The following PITPNM2 variants were observed in gnomAD, a reference collection of about 807,000 sequenced individuals.
PITPNM2 encodes the protein phosphatidylinositol transfer protein membrane associated 2.
PITPNM2 carries 35 observed loss-of-function variants against 132.2 expected under a neutral mutation model. The ratio of observed to expected loss-of-function variants is 0.26; its 90% CI spans 0.20 to 0.35. The LOEUF is 0.35. Ranked by LOEUF, PITPNM2 falls within the 10% of genes least tolerant of loss-of-function variation. The pLI is 1.00. For missense variants in PITPNM2, 1,332 were observed against 1,912.0 expected (o/e 0.70, Z 5.66); for synonymous variants, 738 against 799.2 (o/e 0.92, Z 1.29).
chr12:122,991,833 C>G (rs369347251), intron 16 of PITPNM2: 13 of 1,303,836 alleles, frequency 1.0e-5, no homozygotes, highest in African/African-American at 3.0e-5. Flanking sequence ...AAGCCGTCCC[C>G]GTGGGGGAGA....
chr12:123,044,495 C>A (rs1175391874), intron 2 of PITPNM2, among the ~76,000 whole-genome samples: 1 of 152,216 alleles, frequency 6.6e-6, no homozygotes, highest in Admixed American at 6.5e-5. Context: ...CCAGGGAAAT[C>A]AGAGCTTTCC....
chr12:123,106,997 C>T lies in PITPNM2; in HGVS notation c.-96+3388G>A, dbSNP rs2042731431. On this transcript the variant is annotated intron_variant, in intron 2 of 25. Transcript: ENST00000320201. This position sits in a 1 kb window ranked among gnomAD's most constrained non-coding sequence, Gnocchi z 4.4. ...CTGCTGCTACGGATGGAGATAAGTC[C>T]CTTCTTCACCTGGGATGGGACTTCA... Among the ~76,000 whole-genome samples, 1 of 152,146 alleles carries T rather than the reference C, an allele frequency of 6.6e-6. No individual in the cohort carries two copies.
At chr12:123,072,334 T>G (rs2041643120) in intron 2 of PITPNM2, among the ~76,000 whole-genome samples, 3 of 152,188 alleles carry the variant, frequency 2.0e-5, no homozygotes, top group Admixed American at 6.5e-5. Flanking sequence ...GGACAAGGTC[T>G]TCTAACTTGC....
chr12:122,995,230 C>T (rs1379321913), intron 14 of PITPNM2, among the ~76,000 whole-genome samples, 159 bp downstream of exon 14: 1 of 152,210 alleles, frequency 6.6e-6, no homozygotes, highest in East Asian at 1.9e-4. Context: ...TCCAGTAAGC[C>T]ACTTTCTCCT....
At chr12:123,065,111 A>G (rs542342708) in intron 2 of PITPNM2, among the ~76,000 whole-genome samples, 1 of 152,312 alleles carries the variant, frequency 6.6e-6, no homozygotes, top group South Asian at 2.1e-4. Flanking sequence ...ACGGCTGCAC[A>G]AGGCCCTGTC....
chr12:123,012,547 A>G (rs1416793627), intron 5 of PITPNM2, 66 bp downstream of exon 5: 8 of 1,581,920 alleles, frequency 5.1e-6, no homozygotes, highest in Non-Finnish European at 6.1e-6. Flanking sequence ...AAGGGGCAGG[A>G]CAAGAGGGAC....
At chr12:123,140,165 C>A (rs2043473467) in intron 1 of PITPNM2, among the ~76,000 whole-genome samples, 1 of 152,168 alleles carries the variant, frequency 6.6e-6, no homozygotes, top group African/African-American at 2.4e-5. Context: ...CCCCCTTAGG[C>A]CCCCGGGGAA....
At chr12:123,098,321 A>G (rs2042463890) in intron 2 of PITPNM2, among the ~76,000 whole-genome samples, 1 of 152,180 alleles carries the variant, frequency 6.6e-6, no homozygotes, top group African/African-American at 2.4e-5. Flanking sequence ...AGTCAGGACC[A>G]GGACGGGGAG....
intron 3 of PITPNM2, among the ~76,000 whole-genome samples, chr12:123,028,987 C>T (rs2039973745): frequency 6.6e-6 from 1 of 152,192 alleles, no homozygotes; most frequent in South Asian, 2.1e-4. Flanking sequence ...TGGCCTGAAC[C>T]TCTCCCCTCC....
At chr12:123,032,403 GGAGGTGGAGGTTGCAGT>G (rs1026188397) in intron 3 of PITPNM2, among the ~76,000 whole-genome samples, 17 of 152,346 alleles carry the variant, frequency 1.1e-4, no homozygotes, top group African/African-American at 4.1e-4. Context: ...CTTGAACCCA[GGAGGTGGAGGTTGCAGT>G]GAGCCGAGAT....
At chr12:123,015,208 A>G (rs546849997) in intron 3 of PITPNM2, among the ~76,000 whole-genome samples, 8 of 152,350 alleles carry the variant, frequency 5.3e-5, no homozygotes, top group African/African-American at 1.9e-4. Context: ...ATGGAATTAC[A>G]GGAGACCCGG....
chr12:122,992,574 A>G lies in PITPNM2; in HGVS notation c.2329T>C (p.Phe777Leu), dbSNP rs2136091011. Reference protein sequence around the residue: ...SRLEPLLERRFHALPPFSVPR... With the variant: ...SRLEPLLERRLHALPPFSVPR... ...ACGCTGAAAGGCGGCAGGGCGTGAA[A>G]GCGCCGTTCCAGCAGCGGCTCCAGG... The change falls in exon 16 of 26, where the codon TTT becomes CTT. Residue 777 changes from phenylalanine to leucine, a missense_variant. Phe to Leu is a conservative substitution (Grantham distance 22). Around this residue, in one of 6 missense-constraint regions of PITPNM2, gnomAD observed 710 missense variants for 911.5 expected, o/e 0.78. Coordinates refer to ENST00000320201, the MANE Select transcript of PITPNM2 (RefSeq NM_020845.3). The surrounding 1 kb of genome is among the most constrained non-coding windows in gnomAD (Gnocchi z 6.5). The G allele has an allele frequency of 2.5e-6, 4 of 1,611,468 alleles. No individual in the cohort carries two copies. The highest frequency in any genetic ancestry group is 3.4e-6 in the Non-Finnish European group (4 of 1,179,400).
intron 2 of PITPNM2, among the ~76,000 whole-genome samples, chr12:123,054,175 C>T (rs1472252005): frequency 6.6e-6 from 1 of 152,044 alleles, no homozygotes; most frequent in Non-Finnish European, 1.5e-5. Context: ...GAGTGTATGG[C>T]GCAGTCATAG....
intron 1 of PITPNM2, among the ~76,000 whole-genome samples, chr12:123,146,928 C>G (rs1010697165): frequency 6.6e-6 from 1 of 152,166 alleles, no homozygotes; most frequent in Non-Finnish European, 1.5e-5. Context: ...GGTGCAGGCC[C>G]TCCCAGCTCC....
At chr12:122,991,456 T>C (rs572832185) in intron 16 of PITPNM2, among the ~76,000 whole-genome samples, 1 of 152,322 alleles carries the variant, frequency 6.6e-6, no homozygotes, top group African/African-American at 2.4e-5. Context: ...AAGGCCTCAG[T>C]CTGCTTCTGG....
intron 3 of PITPNM2, among the ~76,000 whole-genome samples, chr12:123,019,508 A>T (rs1196770273): frequency 6.6e-6 from 1 of 152,238 alleles, no homozygotes; most frequent in Non-Finnish European, 1.5e-5. Flanking sequence ...CCACTCAGCC[A>T]TCTCCCTGAC....
Position 122,988,341 on chromosome 12 carries a change from G to A in PITPNM2, c.2890C>T (p.His964Tyr), listed in dbSNP as rs751008746. 3.7e-6 allele frequency: 6 copies of A among 1,613,250 alleles called. No individual in the cohort carries two copies. Among genetic ancestry groups the A allele is most frequent in the Non-Finnish European group, 5.1e-6 (6 of 1,179,908 alleles). Residue 964 changes from histidine to tyrosine, a missense_variant, in exon 20 of 26, where the codon CAT becomes TAT. By Grantham distance (83) the His-to-Tyr change is moderately conservative (BLOSUM62 2). Around this residue, in one of 6 missense-constraint regions of PITPNM2, gnomAD observed 251 missense variants for 472.0 expected, o/e 0.53. Coordinates refer to ENST00000320201, the MANE Select transcript of PITPNM2 (RefSeq NM_020845.3). ...VSFLLRQVMR[H>Y]DNSSILELDG... Reference sequence around the variant, plus strand: ...AGCTCCAAGATGCTGGAGTTGTCATGCCTCATGACCTGGGAAGAGGGGACA... The same window carrying A: ...AGCTCCAAGATGCTGGAGTTGTCATACCTCATGACCTGGGAAGAGGGGACA...
chr12:123,029,511 G>A (rs190591505), intron 3 of PITPNM2, among the ~76,000 whole-genome samples: 7 of 152,300 alleles, frequency 4.6e-5, no homozygotes, highest in African/African-American at 1.4e-4. Context: ...GCTTAAACCC[G>A]AGAGGCAAAG....
intron 2 of PITPNM2, chr12:123,092,970 T>C (rs1046816061): frequency 2.0e-5 from 3 of 152,226 alleles, no homozygotes; most frequent in African/African-American, 7.2e-5. Context: ...CCTTTAAAAA[T>C]GCACTTGTGA....
Sources: gnomAD v4.1 joint callset for allele counts (sites outside exome capture counted in the v4.1 genomes callset) on GRCh38, gnomAD v4.1.1 for gene constraint, gnomAD v4.1.1 regional missense constraint, Gnocchi (gnomAD v3.1) non-coding constraint, MANE v1.5 for transcripts, NCBI Gene and HGNC (gene_info 2026-07-23, HGNC 2026-07-21) for gene names.